The following RAB33B variants were observed in gnomAD, a reference collection of about 807,000 sequenced individuals.
RAB33B encodes the protein RAB33B, member RAS oncogene family, also known as ras-related protein Rab-33B.
In RAB33B, 6 loss-of-function variants were observed where a neutral mutation model predicts 15.0. That is an observed-to-expected ratio of 0.40 (90% confidence interval 0.22 to 0.79). The LOEUF (loss-of-function observed/expected upper bound fraction) is 0.79. Ranked by LOEUF, RAB33B falls within the 30% of genes least tolerant of loss-of-function variation. RAB33B has a pLI of 0.37. For synonymous variants in RAB33B, 117 were observed against 108.3 expected (o/e 1.08, Z -0.50); for missense variants, 257 against 296.4 (o/e 0.87, Z 0.98).
At chr4:139,455,906 G>A (rs78576987) in intron 1 of RAB33B, among the ~76,000 whole-genome samples, 212 of 152,240 alleles carry the variant, frequency 1.4e-3, no homozygotes, top group African/African-American at 4.9e-3. Context: ...CCTTACTAGG[G>A]TGACCAACTT....
chr4:139,476,455 A>G lies in RAB33B; in HGVS notation c.*3329A>G, dbSNP rs1233737876. 7 of 152,196 alleles carry G rather than the reference A, an allele frequency of 4.6e-5. No individual in the cohort carries two copies. Among genetic ancestry groups the G allele is most frequent in the African/African-American group, 1.7e-4 (7 of 41,444 alleles). 9.4% of individuals were successfully genotyped at this position (152,196 alleles called of 1,614,324 possible). A position where few individuals can be genotyped will look rare whatever the true frequency, so the allele number is the denominator to read the frequency against. ...TTCATGAAGGACTGCTTTCTTAATC[A>G]GATATTAAGAAGTTCGTCATGTATT... On this transcript the variant is annotated 3_prime_UTR_variant, in exon 2 of 2. Transcript: ENST00000305626.
intron 1 of RAB33B, among the ~76,000 whole-genome samples, chr4:139,454,716 G>A (rs1399905732): frequency 6.6e-6 from 1 of 152,196 alleles, no homozygotes; most frequent in Non-Finnish European, 1.5e-5. Flanking sequence ...GGTGCAGCTA[G>A]TCCGTGGACC....
At chr4:139,463,413 G>A (rs1001456665) in intron 1 of RAB33B, among the ~76,000 whole-genome samples, 3 of 152,174 alleles carry the variant, frequency 2.0e-5, no homozygotes, top group African/African-American at 7.2e-5. Context: ...TGTGATGACA[G>A]GTGTGAGCCA....
In RAB33B at chr4:139,473,079, A is replaced by C. The variant is rs1750421698; in HGVS notation, c.643A>C (p.Ile215Leu). ...LMLSQPPDNG[I>L]ILKPEPKPAM... ...GCTTAGTCAGCCCCCTGATAATGGAATTATCCTGAAGCCTGAACCAAAGCC... is the reference window on the plus strand; with the variant it reads ...GCTTAGTCAGCCCCCTGATAATGGACTTATCCTGAAGCCTGAACCAAAGCC... The change falls in exon 2 of 2, where the codon ATT becomes CTT. Residue 215 changes from isoleucine (I) to leucine (L), a missense_variant. Ile to Leu is a conservative substitution (Grantham distance 5, BLOSUM62 2). Transcript: ENST00000305626. 6.2e-7 allele frequency: 1 copy of C among 1,613,538 alleles called. No homozygotes were observed. Among genetic ancestry groups the C allele is most frequent in the Non-Finnish European group, 8.5e-7 (1 of 1,179,792 alleles).
At chr4:139,442,986 G>A in the RAB33B span, among the ~76,000 whole-genome samples, 5 of 150,914 alleles carry the variant, frequency 3.3e-5, no homozygotes, top group East Asian at 1.9e-4. Context: ...ACTGATAGTC[G>A]CTGGCATGAA....
chr4:139,445,331 T>C, the RAB33B span, among the ~76,000 whole-genome samples: 1 of 152,364 alleles, frequency 6.6e-6, no homozygotes, highest in South Asian at 2.1e-4. Context: ...GAACTTGATC[T>C]CTTTTTGCTT....
At chr4:139,444,466 C>T in the RAB33B span, among the ~76,000 whole-genome samples, 7 of 152,024 alleles carry the variant, frequency 4.6e-5, no homozygotes, top group Admixed American at 2.0e-4. Flanking sequence ...GGAAGGACCC[C>T]GCTATATTAC....
the RAB33B span, among the ~76,000 whole-genome samples, chr4:139,439,835 C>A: frequency 2.7e-4 from 41 of 152,026 alleles, no homozygotes; most frequent in Admixed American, 2.6e-4. Flanking sequence ...TTTTTAATTT[C>A]AGTTATTGTA....
chr4:139,468,433 A>G (rs1257679145), intron 1 of RAB33B, among the ~76,000 whole-genome samples: 1 of 152,224 alleles, frequency 6.6e-6, no homozygotes, highest in Non-Finnish European at 1.5e-5. Context: ...ACAAAAAACT[A>G]ATAGAAACTG....
the RAB33B span, among the ~76,000 whole-genome samples, chr4:139,445,700 G>A: frequency 6.6e-6 from 1 of 152,172 alleles, no homozygotes; most frequent in Non-Finnish European, 1.5e-5. Context: ...TTTGACTGGG[G>A]TCCAGGAGAA....
chr4:139,465,731 T>G (rs1411564778), intron 1 of RAB33B, among the ~76,000 whole-genome samples: 1 of 148,364 alleles, frequency 6.7e-6, no homozygotes, highest in Non-Finnish European at 1.5e-5. Context: ...TCTTTTTTTT[T>G]TTTTTTTGTT....
the RAB33B span, among the ~76,000 whole-genome samples, chr4:139,443,281 C>T: frequency 3.9e-5 from 6 of 152,282 alleles, no homozygotes; most frequent in Non-Finnish European, 5.9e-5. Context: ...CTTGAGCCAC[C>T]GCGCCCGGCC....
At chr4:139,467,358 G>T (rs891014806) in intron 1 of RAB33B, among the ~76,000 whole-genome samples, 5 of 14,958 alleles carry the variant, frequency 3.3e-4, no homozygotes, top group Admixed American at 9.7e-4. Context: ...GTTTCCCTAT[G>T]TTGTTCAGAC....
At chr4:139,444,108 G>A in the RAB33B span, among the ~76,000 whole-genome samples, 10 of 152,276 alleles carry the variant, frequency 6.6e-5, no homozygotes, top group South Asian at 2.1e-3. Flanking sequence ...TGGATATTAA[G>A]GGTGTGGGAC....
chr4:139,462,857 A>T (rs1329859941), intron 1 of RAB33B, among the ~76,000 whole-genome samples: 1 of 152,240 alleles, frequency 6.6e-6, no homozygotes, highest in Non-Finnish European at 1.5e-5. Flanking sequence ...TTTTGTGATT[A>T]TTTGAAAGGA....
At chr4:139,452,051 A>C (rs1030715389), upstream of RAB33B, 3 of 152,272 alleles carry the variant, frequency 2.0e-5, no homozygotes, top group African/African-American at 7.2e-5. Flanking sequence ...TTGAAAATAC[A>C]AAACTCCTCA....
chr4:139,473,218 A>C lies in RAB33B; in HGVS notation c.*92A>C. 1 of 1,108,888 alleles carries C rather than the reference A, an allele frequency of 9.0e-7. No homozygotes were observed. Among genetic ancestry groups the C allele is most frequent in the Non-Finnish European group, 1.3e-6 (1 of 791,044 alleles). 68.7% of individuals were successfully genotyped at this position (1,108,888 alleles called of 1,614,324 possible). The stretch of plus-strand genomic sequence containing the variant: ...GTCATAAGATTTAATCTCAACTATA[A>C]TGGGTCATCTTGACACTTTGCTGTT... On this transcript the variant is annotated 3_prime_UTR_variant, in exon 2 of 2. Coordinates refer to ENST00000305626, the MANE Select transcript of RAB33B (RefSeq NM_031296.3).
chr4:139,447,630 G>A, the RAB33B span, among the ~76,000 whole-genome samples: 11 of 150,616 alleles, frequency 7.3e-5, no homozygotes, highest in Non-Finnish European at 1.5e-4. Context: ...TGACTGACCC[G>A]GACTATCAAG....
intron 1 of RAB33B, among the ~76,000 whole-genome samples, chr4:139,466,961 C>CTT (rs35504904): frequency 0.066 from 4,539 of 68,462 alleles, 333 homozygotes; most frequent in East Asian, 0.11. Flanking sequence ...GAAGCACAAA[C>CTT]TTTTTTTTTT....
Sources: allele counts gnomAD v4.1 joint callset (sites outside exome capture counted in the v4.1 genomes callset), GRCh38; gene constraint gnomAD v4.1.1; transcripts MANE v1.5; gene names NCBI Gene and HGNC (gene_info 2026-07-23, HGNC 2026-07-21).